The following PTPRT variants were observed in gnomAD, a reference collection of about 807,000 sequenced individuals.
PTPRT encodes the protein receptor-type tyrosine-protein phosphatase T.
A neutral mutation model predicts 176.8 loss-of-function variants in PTPRT; 56 were observed. The observed-to-expected ratio is 0.32, with a 90% CI of 0.26 to 0.40. The LOEUF (loss-of-function observed/expected upper bound fraction) is 0.40. PTPRT is among the 10% of genes least tolerant of loss of function. The pLI is 1.00. For synonymous variants in PTPRT, 783 were observed against 739.0 expected (o/e 1.06, Z -0.96); for missense variants, 1,540 against 1,908.2 (o/e 0.81, Z 3.60).
chr20:42,467,364 T>C (rs2071118106), intron 8 of PTPRT, among the ~76,000 whole-genome samples: 1 of 152,150 alleles, frequency 6.6e-6, no homozygotes, highest in African/African-American at 2.4e-5. Flanking sequence ...ATATGTGACA[T>C]CATCAGTACT....
At chr20:43,077,945 C>T (rs2011323550) in intron 1 of PTPRT, among the ~76,000 whole-genome samples, 1 of 152,230 alleles carries the variant, frequency 6.6e-6, no homozygotes, top group Non-Finnish European at 1.5e-5. Context: ...CCTTCTATAT[C>T]AAGTGGGAAC....
rs768383480 is a variant in PTPRT, at chr20:42,075,863, T to C, written c.*5016A>G. The C allele has an allele frequency of 9.8e-6, 2 of 204,932 alleles. No individual in the cohort carries two copies. Among genetic ancestry groups the C allele is most frequent in the Non-Finnish European group, 2.0e-5 (2 of 100,200 alleles). 12.7% of individuals were successfully genotyped at this position (204,932 alleles called of 1,614,324 possible). On this transcript the variant is annotated 3_prime_UTR_variant, in exon 31 of 31. Coordinates refer to ENST00000373187, the MANE Select transcript of PTPRT (RefSeq NM_007050.6). ...ATGCATCATCTTTTGCCCCAGACAC[T>C]GAGATTTGCCCTTGTTCCAAGTGGC...
chr20:42,136,930 C>T (rs534296637), intron 18 of PTPRT, among the ~76,000 whole-genome samples: 2 of 152,268 alleles, frequency 1.3e-5, no homozygotes, highest in Non-Finnish European at 2.9e-5. Flanking sequence ...TCTACCTAAG[C>T]AGAGAGGGAG....
chr20:42,841,132 A>T (rs2078270454), intron 2 of PTPRT, among the ~76,000 whole-genome samples: 6 of 152,276 alleles, frequency 3.9e-5, no homozygotes, highest in Admixed American at 3.3e-4. Flanking sequence ...CACAAAGCAG[A>T]TATCCCACCC....
chr20:42,457,861 T>A (rs2070949827), intron 8 of PTPRT, among the ~76,000 whole-genome samples: 1 of 152,144 alleles, frequency 6.6e-6, no homozygotes, highest in African/African-American at 2.4e-5. Context: ...CCCCTTTTCT[T>A]GTTTGCCATA....
chr20:42,223,193 A>G (rs534056209), intron 15 of PTPRT, among the ~76,000 whole-genome samples: 3 of 152,348 alleles, frequency 2.0e-5, no homozygotes, highest in African/African-American at 7.2e-5. Flanking sequence ...AATATAAAAC[A>G]TAAAATATAC....
At chr20:42,160,397 T>C (rs540016462) in intron 17 of PTPRT, among the ~76,000 whole-genome samples, 3 of 152,334 alleles carry the variant, frequency 2.0e-5, no homozygotes, top group African/African-American at 7.2e-5. Flanking sequence ...CCTTTTATTT[T>C]ATTTTGCTTT....
intron 18 of PTPRT, among the ~76,000 whole-genome samples, chr20:42,133,620 G>A (rs949786638): frequency 2.0e-5 from 3 of 152,160 alleles, no homozygotes; most frequent in Non-Finnish European, 4.4e-5. Context: ...GTAGATATAT[G>A]TCATTGTACA....
intron 15 of PTPRT, among the ~76,000 whole-genome samples, chr20:42,221,454 A>G (rs2055884061): frequency 6.6e-6 from 1 of 152,114 alleles, no homozygotes; most frequent in Admixed American, 6.5e-5. Flanking sequence ...ACTTACAATC[A>G]TGACAGAAAG....
chr20:42,942,428 A>T (rs1980613204), intron 1 of PTPRT, among the ~76,000 whole-genome samples: 1 of 152,224 alleles, frequency 6.6e-6, no homozygotes, highest in Non-Finnish European at 1.5e-5. Context: ...AGCCTTCCCC[A>T]TCCAAAAACA....
At chr20:42,381,499 T>C (rs893775176) in intron 9 of PTPRT, among the ~76,000 whole-genome samples, 11 of 152,196 alleles carry the variant, frequency 7.2e-5, no homozygotes, top group Admixed American at 6.5e-5. Context: ...AAGTAAACAT[T>C]TGATGTTTTA....
chr20:42,485,527 CTA>C (rs2071451438), intron 7 of PTPRT, among the ~76,000 whole-genome samples: 1 of 152,198 alleles, frequency 6.6e-6, no homozygotes, highest in Non-Finnish European at 1.5e-5. Flanking sequence ...TGTTTCTAGA[CTA>C]TGTAAAAACA....
intron 1 of PTPRT, among the ~76,000 whole-genome samples, chr20:42,992,204 G>T (rs1015834900): frequency 6.6e-6 from 1 of 152,202 alleles, no homozygotes; most frequent in Non-Finnish European, 1.5e-5. Flanking sequence ...AAGAGGTTTT[G>T]TGTGCTACAT....
At chr20:42,190,603 G>A (rs1363905982) in intron 16 of PTPRT, among the ~76,000 whole-genome samples, 1 of 152,156 alleles carries the variant, frequency 6.6e-6, no homozygotes, top group South Asian at 2.1e-4. Flanking sequence ...CACCTGGAAG[G>A]CTTGTTAAAA....
At chr20:43,007,044 GA>G (rs1984889897) in intron 1 of PTPRT, among the ~76,000 whole-genome samples, 1 of 152,160 alleles carries the variant, frequency 6.6e-6, no homozygotes, top group South Asian at 2.1e-4. Flanking sequence ...AACAATCACA[GA>G]AATTAGAACA....
At chr20:42,332,679 A>G (rs539848533) in intron 11 of PTPRT, among the ~76,000 whole-genome samples, 6 of 152,102 alleles carry the variant, frequency 3.9e-5, no homozygotes, top group Admixed American at 1.3e-4. Context: ...TCTCTCTGTC[A>G]CTGTAAAGAA....
At chr20:43,107,551 C>T (rs1214223932) in intron 1 of PTPRT, among the ~76,000 whole-genome samples, 1 of 152,230 alleles carries the variant, frequency 6.6e-6, no homozygotes, top group Non-Finnish European at 1.5e-5. Flanking sequence ...AGTCATTTTA[C>T]ATCAAGATCA....
intron 1 of PTPRT, among the ~76,000 whole-genome samples, chr20:43,018,203 A>G (rs903375854): frequency 4.6e-5 from 7 of 152,214 alleles, no homozygotes; most frequent in African/African-American, 1.7e-4. Context: ...CATGTTATCT[A>G]TTTAAGAACA....
At chr20:42,481,523 T>C (rs1219625109) in intron 7 of PTPRT, among the ~76,000 whole-genome samples, 6 of 152,190 alleles carry the variant, frequency 3.9e-5, no homozygotes, top group African/African-American at 7.2e-5. Context: ...CAGTAATCAA[T>C]TGCTAATATT....
Sources: allele counts gnomAD v4.1 joint callset (sites outside exome capture counted in the v4.1 genomes callset), GRCh38; gene constraint gnomAD v4.1.1; transcripts MANE v1.5; gene names NCBI Gene and HGNC (gene_info 2026-07-23, HGNC 2026-07-21).